Variants in SLCO3A1 observed in about 807,000 individuals in gnomAD.
SLCO3A1 encodes the protein PGE1 transporter.
Under a neutral mutation model 63.1 loss-of-function variants are expected in SLCO3A1, and 27 were observed. The ratio of observed to expected loss-of-function variants is 0.43; its 90% confidence interval spans 0.32 to 0.59. The LOEUF (loss-of-function observed/expected upper bound fraction) is 0.59. Among genes scored for constraint, SLCO3A1 ranks in the 20% least tolerant of loss-of-function variants. The pLI is 0.09. For synonymous variants in SLCO3A1, 473 were observed against 409.9 expected, an observed-to-expected ratio of 1.15 and a Z score of -1.86; for missense variants, 773 against 945.8, an observed-to-expected ratio of 0.82 and a Z score of 2.40.
chr15:91,976,956 T>C (rs920397977), intron 2 of SLCO3A1, among the ~76,000 whole-genome samples: 25 of 152,230 alleles, frequency 1.6e-4, no homozygotes, highest in African/African-American at 6.0e-4. Context: ...ACCACTGTCA[T>C]TGAGAACATC....
intron 5 of SLCO3A1, 63 bp from the exon 6 acceptor site, chr15:92,125,998 G>C: frequency 1.4e-6 from 2 of 1,443,472 alleles, no homozygotes; most frequent in Non-Finnish European, 1.9e-6. Flanking sequence ...CCTGCTGCCC[G>C]CCTGTCTGTA....
chr15:91,887,215 A>G (rs1897745862), intron 1 of SLCO3A1, among the ~76,000 whole-genome samples: 1 of 152,036 alleles, frequency 6.6e-6, no homozygotes, highest in Non-Finnish European at 1.5e-5. Context: ...TTATTCTTCA[A>G]TGCTTTCCTT....
chr15:92,117,973 A>G (rs1023550788), intron 4 of SLCO3A1, among the ~76,000 whole-genome samples: 3 of 152,250 alleles, frequency 2.0e-5, no homozygotes, highest in Admixed American at 2.0e-4. Flanking sequence ...ACATTTACAT[A>G]TAGGTGTTAT....
chr15:92,102,899 T>C (rs999661199), intron 3 of SLCO3A1, among the ~76,000 whole-genome samples: 1 of 152,208 alleles, frequency 6.6e-6, no homozygotes, highest in Non-Finnish European at 1.5e-5. Flanking sequence ...TTCAGCCCCA[T>C]GAACCTGGGC....
intron 6 of SLCO3A1, among the ~76,000 whole-genome samples, chr15:92,127,189 C>T (rs2047934982): frequency 6.6e-6 from 1 of 152,228 alleles, no homozygotes; most frequent in Non-Finnish European, 1.5e-5. Context: ...CCCGCCCCAG[C>T]CTGGCCCCGA....
intron 2 of SLCO3A1, among the ~76,000 whole-genome samples, chr15:91,929,035 C>A (rs72751975): frequency 0.066 from 10,044 of 152,272 alleles, 475 homozygotes; most frequent in Non-Finnish European, 0.099. Context: ...GCAAGAAAGA[C>A]TTCATGGATC....
rs1422106581 is a variant in SLCO3A1, at chr15:91,882,793, A to T, written c.180+28705A>T. Among the ~76,000 whole-genome samples the T allele has an allele frequency of 6.6e-6, 1 of 152,186 alleles. No individual in the cohort carries two copies. The highest frequency in any genetic ancestry group is 2.4e-5 in the African/African-American group (1 of 41,450). ...CATCTCGGCCTTCCAAAGTGCTGAG[A>T]TTACAGGTGTGAGCTACCGCGCCCA... On this transcript the variant is annotated intron_variant, in intron 1 of 9. Coordinates refer to ENST00000318445, the MANE Select transcript of SLCO3A1 (RefSeq NM_013272.4). The surrounding 1 kb of genome is among the most constrained non-coding windows in gnomAD (Gnocchi z 4.4).
At chr15:92,068,432 C>T (rs924728881) in intron 2 of SLCO3A1, among the ~76,000 whole-genome samples, 16 of 151,814 alleles carry the variant, frequency 1.1e-4, no homozygotes, top group Admixed American at 7.9e-4. Context: ...AGCGTTTCAG[C>T]GCTATAACTA....
intron 2 of SLCO3A1, among the ~76,000 whole-genome samples, chr15:91,936,530 T>C (rs1274206656): frequency 6.6e-6 from 1 of 152,218 alleles, no homozygotes; most frequent in Non-Finnish European, 1.5e-5. Flanking sequence ...GTTTAAACTT[T>C]GAGGGATTTG....
At chr15:92,137,307 C>G (rs908440424) in intron 7 of SLCO3A1, among the ~76,000 whole-genome samples, 2 of 102,732 alleles carry the variant, frequency 1.9e-5, no homozygotes, top group Non-Finnish European at 3.7e-5. Context: ...ATGAACTCAT[C>G]ATTTTTTATG....
At chr15:92,153,214 C>CATGCCTATGCCTAGATACAGCTG (rs2048329416) in intron 9 of SLCO3A1, among the ~76,000 whole-genome samples, 1 of 151,380 alleles carries the variant, frequency 6.6e-6, no homozygotes. Context: ...CCAGTACGCA[C>CATGCCTATGCCTAGATACAGCTG]ATGCCTATGC....
chr15:92,070,082 G>T (rs1009221058), intron 2 of SLCO3A1, among the ~76,000 whole-genome samples: 1 of 152,214 alleles, frequency 6.6e-6, no homozygotes. Flanking sequence ...CTCCCAAAGA[G>T]GCGGAGGCAG....
chr15:91,922,733 G>T (rs1194013448), intron 2 of SLCO3A1, among the ~76,000 whole-genome samples: 1 of 152,136 alleles, frequency 6.6e-6, no homozygotes, highest in Non-Finnish European at 1.5e-5. Flanking sequence ...TTATATTCTT[G>T]CAACTTCATT....
chr15:92,000,256 C>G (rs1016239419), intron 2 of SLCO3A1, among the ~76,000 whole-genome samples: 12 of 151,962 alleles, frequency 7.9e-5, no homozygotes, highest in African/African-American at 2.7e-4. Flanking sequence ...TACATACAAG[C>G]ACACCCACAG....
At chr15:91,952,869 CT>C (rs1321180538) in intron 2 of SLCO3A1, among the ~76,000 whole-genome samples, 7 of 152,172 alleles carry the variant, frequency 4.6e-5, no homozygotes, top group African/African-American at 1.7e-4. Flanking sequence ...CCGCATCACA[CT>C]GCTGTGTCCA....
At chr15:92,074,272 C>G (rs1382122894) in intron 2 of SLCO3A1, among the ~76,000 whole-genome samples, 2 of 152,192 alleles carry the variant, frequency 1.3e-5, no homozygotes, top group Non-Finnish European at 2.9e-5. Context: ...CAGTTGCTGC[C>G]TGCCCATTGC....
rs565234731 is a variant in SLCO3A1 at position 91,926,558 on chromosome 15, C to CGTGTGTGTGTGTGTGTGTGT, written c.646+10120_646+10139dup. Among the ~76,000 whole-genome samples, 264 of 126,046 alleles carry CGTGTGTGTGTGTGTGTGTGT rather than the reference C, an allele frequency of 2.1e-3. 2 individuals are homozygous for CGTGTGTGTGTGTGTGTGTGT. The highest frequency in any genetic ancestry group is 6.4e-3 in the African/African-American group (190 of 29,730). 82.7% of individuals were successfully genotyped at this position (126,046 alleles called of 152,430 possible). On this transcript the variant is annotated intron_variant, in intron 2 of 9. Transcript: ENST00000318445. ...CTTTGCCATTTCATTCCTGCCAAGC[C>CGTGTGTGTGTGTGTGTGTGT]GTGTGTGTGTGTGTGTGTGTGTGTG...
chr15:92,067,145 C>T (rs2047161311), intron 2 of SLCO3A1, among the ~76,000 whole-genome samples: 1 of 152,324 alleles, frequency 6.6e-6, no homozygotes, highest in Non-Finnish European at 1.5e-5. Context: ...CCATCATGCC[C>T]ACTGCTGTGT....
At chr15:91,920,673 T>A (rs1898814020) in intron 2 of SLCO3A1, among the ~76,000 whole-genome samples, 1 of 152,218 alleles carries the variant, frequency 6.6e-6, no homozygotes. Context: ...CCATTCATTC[T>A]GTTTTTTGAA....
Sources: allele counts gnomAD v4.1 joint callset (sites outside exome capture counted in the v4.1 genomes callset), GRCh38; gene constraint gnomAD v4.1.1; non-coding constraint Gnocchi (gnomAD v3.1); transcripts MANE v1.5; gene names NCBI Gene and HGNC (gene_info 2026-07-23, HGNC 2026-07-21).